PYGL: variants seen among roughly 807,000 people sequenced by gnomAD.
PYGL encodes the protein glycogen phosphorylase, liver form.
Under a neutral mutation model 100.1 loss-of-function variants are expected in PYGL, and 90 were observed. The ratio of observed to expected loss-of-function variants is 0.90; its 90% CI spans 0.76 to 1.07. The LOEUF (loss-of-function observed/expected upper bound fraction) is 1.07. Ranked by LOEUF, PYGL falls within the 50% of genes least tolerant of loss-of-function variation. The pLI is 0.00. For missense variants in PYGL, 1,016 were observed against 1,057.6 expected (o/e 0.96, Z 0.55); for synonymous variants, 373 against 393.0 (o/e 0.95, Z 0.60).
Position 50,924,605 on chromosome 14 carries a change from C to T in PYGL, c.529-505G>A, listed in dbSNP as rs150897145. ...GTTAGAAAATGCTACTTACAGAACA[C>T]TCTTTTAATCAAGCTTATTGGTATA... On this transcript the variant is annotated intron_variant, in intron 4 of 19. Coordinates refer to ENST00000216392, the MANE Select transcript of PYGL (RefSeq NM_002863.5). Among the ~76,000 whole-genome samples, 360 of 152,330 alleles carry T rather than the reference C, an allele frequency of 2.4e-3. 1 individual carries two copies. The highest frequency in any genetic ancestry group is 8.1e-3 in the African/African-American group (336 of 41,568).
chr14:50,918,119 A>G (rs1298215675), intron 7 of PYGL, among the ~76,000 whole-genome samples: 1 of 152,224 alleles, frequency 6.6e-6, no homozygotes, highest in Non-Finnish European at 1.5e-5. Flanking sequence ...TGCAAATTAA[A>G]ATCACAATGA....
Position 50,914,809 on chromosome 14 carries a change from C to G in PYGL, c.1410G>C (p.Lys470Asn), listed in dbSNP as rs78433217. ...TGTCAGGTTCTAGCTCACTGAAGTC[C>G]TTGAATCTGGAGATGGAGGAGACAC... ...HSDIVKTKVF[K>N]DFSELEPDKF... Residue 470 changes from lysine to asparagine, a missense_variant, in exon 12 of 20, where the codon AAG becomes AAC. Physicochemically the swap from Lys to Asn is moderately conservative, Grantham distance 94 (BLOSUM62 0). Coordinates refer to ENST00000216392, the MANE Select transcript of PYGL (RefSeq NM_002863.5). The G allele has an allele frequency of 1.2e-4, 194 of 1,611,962 alleles. No individual in the cohort carries two copies. The African/African-American group carries it at 2.2e-3, about 18-fold the overall frequency.
At chr14:50,919,633 T>C (rs2050482391) in intron 7 of PYGL, among the ~76,000 whole-genome samples, 1 of 151,808 alleles carries the variant, frequency 6.6e-6, no homozygotes, top group African/African-American at 2.4e-5. Context: ...CAACCAAGAA[T>C]CAATAGCAGT....
intron 16 of PYGL, among the ~76,000 whole-genome samples, chr14:50,911,321 C>G (rs2050394829): frequency 6.6e-6 from 1 of 152,216 alleles, no homozygotes; most frequent in Non-Finnish European, 1.5e-5. Context: ...GATACAAGAG[C>G]AAGTGACAGC....
chr14:50,921,780 A>C (rs1001172874), intron 5 of PYGL, among the ~76,000 whole-genome samples: 2 of 152,218 alleles, frequency 1.3e-5, no homozygotes, highest in African/African-American at 4.8e-5. Flanking sequence ...ACCCACCAAA[A>C]AATAGCACTT....
chr14:50,919,674 TG>T (rs2050483027), intron 7 of PYGL, among the ~76,000 whole-genome samples: 1 of 151,798 alleles, frequency 6.6e-6, no homozygotes, highest in Non-Finnish European at 1.5e-5. Flanking sequence ...GTGGTGTGTG[TG>T]TGTGTGTGTG....
Position 50,944,369 on chromosome 14 carries a change from C to A in PYGL, c.35G>T (p.Arg12Leu), listed in dbSNP as rs2050731635. The A allele has an allele frequency of 2.5e-6, 4 of 1,613,344 alleles. No individual in the cohort carries two copies. The highest frequency in any genetic ancestry group is 3.4e-6 in the Non-Finnish European group (4 of 1,179,804). The change falls in exon 1 of 20, where the codon CGG becomes CTG. Residue 12 changes from arginine to leucine, a missense_variant. Coordinates refer to ENST00000216392, the MANE Select transcript of PYGL (RefSeq NM_002863.5). Reference sequence around the variant, plus strand: ...CACGATGCCGCGGATGCTGATCTGCCGCCGCTTCTCCTGGTCCGTCAGGGG... The same window carrying A: ...CACGATGCCGCGGATGCTGATCTGCAGCCGCTTCTCCTGGTCCGTCAGGGG... ...AKPLTDQEKR[R>L]QISIRGIVGV...
At chr14:50,930,461 T>G (rs1055158184) in intron 4 of PYGL, among the ~76,000 whole-genome samples, 1 of 152,222 alleles carries the variant, frequency 6.6e-6, no homozygotes, top group Non-Finnish European at 1.5e-5. Context: ...TCAGCTTTTA[T>G]TTATTTGGGG....
chr14:50,937,974 C>T, intron 1 of PYGL, 137 bp from the exon 2 acceptor site: 1 of 795,064 alleles, frequency 1.3e-6, no homozygotes, highest in Non-Finnish European at 2.1e-6. Context: ...GAATGAGACT[C>T]CCGTCAGAGG....
chr14:50,914,438 A>G (rs557068767), intron 12 of PYGL, among the ~76,000 whole-genome samples: 1 of 152,248 alleles, frequency 6.6e-6, no homozygotes, highest in East Asian at 1.9e-4. Flanking sequence ...TGGAGGTTGC[A>G]GTCAGCAGAG....
intron 1 of PYGL, among the ~76,000 whole-genome samples, chr14:50,939,291 C>T (rs146240390): frequency 0.02 from 3,043 of 152,342 alleles, 23 homozygotes; most frequent in African/African-American, 0.03. Flanking sequence ...CCTGCCTTGG[C>T]CTCCCAAAGT....
intron 7 of PYGL, among the ~76,000 whole-genome samples, chr14:50,920,082 T>G (rs142139528): frequency 8.5e-5 from 13 of 152,210 alleles, no homozygotes; most frequent in African/African-American, 2.9e-4. Flanking sequence ...GAAACAGATG[T>G]TTGTTCATGG....
chr14:50,910,201 G>C, intron 16 of PYGL, 99 bp from the exon 17 acceptor site: 1 of 1,230,716 alleles, frequency 8.1e-7, no homozygotes, highest in South Asian at 1.2e-5. Context: ...GATAATTAAA[G>C]TAATACATGC....
At chr14:50,914,915 G>C in intron 11 of PYGL, 100 bp from the exon 12 acceptor site, 4 of 878,694 alleles carry the variant, frequency 4.6e-6, no homozygotes, top group South Asian at 1.3e-5. Context: ...CCAAGTGCAG[G>C]CTTAGAAAGG....
At position 50,914,723 on chromosome 14, in the gene PYGL, C is replaced by G. The variant is rs530554392; in HGVS notation, c.1496G>C (p.Gly499Ala). ...PRRWLLLCNP[G>A]LAELIAEKIG... Reference sequence around the variant, plus strand: ...TACCTCTGCTATGAGCTCTGCAAGTCCTGGGTTGCAGAGTAGGAGCCAGCG... The same window carrying G: ...TACCTCTGCTATGAGCTCTGCAAGTGCTGGGTTGCAGAGTAGGAGCCAGCG... Residue 499 changes from glycine (G) to alanine (A), a missense_variant, in exon 12 of 20, where the codon GGA (glycine) becomes GCA (alanine). Coordinates refer to ENST00000216392, the MANE Select transcript of PYGL (RefSeq NM_002863.5). 1 of 1,613,688 alleles carries G rather than the reference C, an allele frequency of 6.2e-7. No individual in the cohort carries two copies. The highest frequency in any genetic ancestry group is 1.1e-5 in the South Asian group (1 of 91,068).
At position 50,917,815 on chromosome 14, in the gene PYGL, C is replaced by G. The variant is rs189568546; in HGVS notation, c.856-710G>C. ...TAGATTTGCTGTCGGTCACCTCAAC[C>G]GTGTAAATGTCACCAAGAAATGGTC... On this transcript the variant is annotated intron_variant, in intron 7 of 19. Coordinates refer to ENST00000216392, the MANE Select transcript of PYGL (RefSeq NM_002863.5). Among the ~76,000 whole-genome samples the G allele has an allele frequency of 2.0e-5, 3 of 152,324 alleles. No individual in the cohort carries two copies. The East Asian group carries it at 5.8e-4, about 29-fold the overall frequency.
chr14:50,931,405 C>A (rs7141901), intron 4 of PYGL, among the ~76,000 whole-genome samples: 2 of 152,122 alleles, frequency 1.3e-5, no homozygotes, highest in African/African-American at 4.8e-5. Context: ...ATCAGGCAGT[C>A]AGTGATATAT....
At chr14:50,910,447 ATTTCTCTTTTTTTC>A (rs1179949243) in intron 16 of PYGL, among the ~76,000 whole-genome samples, 1 of 151,574 alleles carries the variant, frequency 6.6e-6, no homozygotes, top group Non-Finnish European at 1.5e-5. Context: ...ATATATTGAA[ATTTCTCTTTTTTTC>A]TTTCTCTTTT....
intron 2 of PYGL, 23 bp from the exon 3 acceptor site, chr14:50,935,208 A>G (rs375859096): frequency 2.2e-5 from 34 of 1,577,744 alleles, no homozygotes; most frequent in African/African-American, 2.7e-5. Flanking sequence ...GGAAAACAAT[A>G]TTGGAAGCAG....
Sources: gnomAD v4.1 joint callset for allele counts (sites outside exome capture counted in the v4.1 genomes callset) on GRCh38, gnomAD v4.1.1 for gene constraint, MANE v1.5 for transcripts, NCBI Gene and HGNC (gene_info 2026-07-23, HGNC 2026-07-21) for gene names.